Variants in GAS7 observed in about 807,000 individuals in gnomAD.
The protein encoded by GAS7 is growth arrest specific 7, also known as growth arrest-specific protein 7.
In GAS7, 28 loss-of-function variants were observed where a neutral mutation model predicts 71.1. The ratio of observed to expected loss-of-function variants is 0.39; its 90% CI spans 0.29 to 0.54. The LOEUF (loss-of-function observed/expected upper bound fraction) is 0.54, where lower values mean the gene tolerates loss of function less well. Ranked by LOEUF, GAS7 falls within the 20% of genes least tolerant of loss-of-function variation. GAS7 has a pLI of 0.62. For synonymous variants in GAS7, 258 were observed against 245.8 expected (o/e 1.05, Z -0.46); for missense variants, 436 against 627.8 (o/e 0.69, Z 3.27).
chr17:10,132,762 A>T (rs1597810281), intron 1 of GAS7, among the ~76,000 whole-genome samples: 1 of 1,032 alleles, frequency 9.7e-4, no homozygotes, highest in South Asian at 0.014. Flanking sequence ...TGTCTCAACT[A>T]AAAAAAAAAA....
chr17:9,969,462 A>C lies in GAS7; in HGVS notation c.471+215T>G, dbSNP rs542261642. Among the ~76,000 whole-genome samples the C allele has an allele frequency of 4.6e-5, 7 of 152,250 alleles. No individual in the cohort carries two copies. Among genetic ancestry groups the C allele is most frequent in the Admixed American group, 4.6e-4 (7 of 15,294 alleles). On this transcript the variant is annotated intron_variant, in intron 4 of 13. Coordinates refer to ENST00000432992, the MANE Select transcript of GAS7 (RefSeq NM_201433.2). This position sits in a 1 kb window ranked among gnomAD's most constrained non-coding sequence, Gnocchi z 5.5. ...CCCCATCACCGTCAACCCCTCCTCC[A>C]AACCACCCTCGACTTCTAGAAAACC...
rs2071321267 is a variant in GAS7, at chr17:10,002,853, T to C, written c.304+16924A>G. Among the ~76,000 whole-genome samples the C allele has an allele frequency of 2.6e-5, 4 of 152,190 alleles. No homozygotes were observed. In the South Asian group the frequency reaches 6.2e-4, roughly 24 times the overall value. The stretch of plus-strand genomic sequence containing the variant: ...GGTTCCAAGTCTTTGCTATTGTGAA[T>C]AGCGCCACAATAAACATACGTGTGC... On this transcript the variant is annotated intron_variant, in intron 2 of 13. Transcript: ENST00000432992.
At chr17:9,992,474 G>C (rs1245339901) in intron 2 of GAS7, among the ~76,000 whole-genome samples, 2 of 152,122 alleles carry the variant, frequency 1.3e-5, no homozygotes, top group African/African-American at 4.8e-5. Context: ...GGAGGGAAAA[G>C]GTTCCGGGGA....
chr17:10,169,858 A>G (rs2074323162), intron 1 of GAS7, among the ~76,000 whole-genome samples: 1 of 152,152 alleles, frequency 6.6e-6, no homozygotes, highest in African/African-American at 2.4e-5. Flanking sequence ...ACTTGAACAT[A>G]TATAGGAATC....
chr17:10,169,120 C>T (rs1173244946), intron 1 of GAS7, among the ~76,000 whole-genome samples: 1 of 151,148 alleles, frequency 6.6e-6, no homozygotes, highest in Non-Finnish European at 1.5e-5. Context: ...ACTAAAAATA[C>T]AAAATAGCCA....
At chr17:10,105,718 G>T (rs1433063524) in intron 1 of GAS7, among the ~76,000 whole-genome samples, 1 of 152,118 alleles carries the variant, frequency 6.6e-6, no homozygotes, top group Non-Finnish European at 1.5e-5. Flanking sequence ...AATCGCATGA[G>T]CCCGTGTAAC....
intron 8 of GAS7, among the ~76,000 whole-genome samples, chr17:9,936,661 C>A (rs1437325753): frequency 6.6e-6 from 1 of 152,144 alleles, no homozygotes; most frequent in Non-Finnish European, 1.5e-5. Context: ...AAGCTACTTA[C>A]AAATTCTCTC....
intron 1 of GAS7, among the ~76,000 whole-genome samples, chr17:10,128,576 C>A (rs2073970191): frequency 6.6e-6 from 1 of 152,170 alleles, no homozygotes; most frequent in Non-Finnish European, 1.5e-5. Context: ...CAACAACATC[C>A]CTTGCCTGTT....
At chr17:10,113,135 A>T (rs1389986547) in intron 1 of GAS7, among the ~76,000 whole-genome samples, 1 of 152,100 alleles carries the variant, frequency 6.6e-6, no homozygotes, top group Non-Finnish European at 1.5e-5. Context: ...ATTCAACAGA[A>T]AGTAAAGACA....
At chr17:9,935,403 C>A (rs2068364119) in intron 8 of GAS7, among the ~76,000 whole-genome samples, 1 of 152,214 alleles carries the variant, frequency 6.6e-6, no homozygotes, top group Non-Finnish European at 1.5e-5. Context: ...GCTCTTTAAC[C>A]GCATGACCCT....
intron 1 of GAS7, among the ~76,000 whole-genome samples, chr17:10,042,292 CAAAAAAAAA>C (rs58391348): frequency 1.4e-4 from 13 of 95,602 alleles, no homozygotes; most frequent in South Asian, 7.4e-4. Context: ...GAGACTCCGT[CAAAAAAAAA>C]AAAAAAAAAA....
At chr17:10,092,087 C>A (rs1304694010) in intron 1 of GAS7, among the ~76,000 whole-genome samples, 1 of 152,130 alleles carries the variant, frequency 6.6e-6, no homozygotes, top group African/African-American at 2.4e-5. Context: ...CTATTCCAGA[C>A]ACAATGGCCT....
At chr17:10,179,605 T>C (rs1015694289) in intron 1 of GAS7, among the ~76,000 whole-genome samples, 4 of 152,124 alleles carry the variant, frequency 2.6e-5, no homozygotes, top group Non-Finnish European at 5.9e-5. Flanking sequence ...TGGTTTAAGT[T>C]TGTGGTCCAA....
chr17:10,048,004 T>A (rs79658545), intron 1 of GAS7, among the ~76,000 whole-genome samples: 15,529 of 152,148 alleles, frequency 0.1, 1,852 homozygotes, highest in African/African-American at 0.29. Flanking sequence ...AAAAATAATC[T>A]AAAATTACGC....
rs553561279 is a variant in GAS7 at position 10,152,469 on chromosome 17, C to A, written c.183+45739G>T. ...TGACTGTGCGTGCATTAGCTCTTAA[C>A]CCTTAGAGTTCCCAGTACTTAGCTT... On this transcript the variant is annotated intron_variant, in intron 1 of 13. Transcript: ENST00000432992. Among the ~76,000 whole-genome samples the A allele has an allele frequency of 4.6e-5, 7 of 152,314 alleles. No homozygotes were observed. The South Asian group carries it at 1.2e-3, about 27-fold the overall frequency.
At chr17:10,001,430 G>A (rs777838298) in intron 2 of GAS7, among the ~76,000 whole-genome samples, 1 of 152,188 alleles carries the variant, frequency 6.6e-6, no homozygotes, top group Non-Finnish European at 1.5e-5. Flanking sequence ...CTGTGAACAA[G>A]CACCTTCTCC....
chr17:9,952,505 C>T (rs966010630), intron 5 of GAS7, among the ~76,000 whole-genome samples: 9 of 152,150 alleles, frequency 5.9e-5, no homozygotes, highest in African/African-American at 2.2e-4. Flanking sequence ...GATTCTCCTG[C>T]TTCAGCCTCG....
chr17:10,164,771 T>C (rs1481462831), intron 1 of GAS7, among the ~76,000 whole-genome samples: 2 of 150,060 alleles, frequency 1.3e-5, no homozygotes, highest in Admixed American at 6.6e-5. Context: ...AGCAGAAGGA[T>C]TGCTTGAGTC....
At chr17:10,074,951 A>C (rs1384760557) in intron 1 of GAS7, among the ~76,000 whole-genome samples, 1 of 126,674 alleles carries the variant, frequency 7.9e-6, no homozygotes, top group Non-Finnish European at 1.6e-5. Flanking sequence ...AAAAGAAACT[A>C]CAAAAAAAAA....
Sources: allele counts gnomAD v4.1 joint callset (sites outside exome capture counted in the v4.1 genomes callset), GRCh38; gene constraint gnomAD v4.1.1; non-coding constraint Gnocchi (gnomAD v3.1); transcripts MANE v1.5; gene names NCBI Gene and HGNC (gene_info 2026-07-23, HGNC 2026-07-21).